YWHAB: variants seen among roughly 807,000 people sequenced by gnomAD.
The protein encoded by YWHAB is 14-3-3 protein beta/alpha.
A neutral mutation model predicts 28.5 loss-of-function variants in YWHAB; 2 were observed. The observed-to-expected ratio is 0.07, with a 90% CI of 0.03 to 0.22. The LOEUF is 0.22. Ranked by LOEUF, YWHAB falls within the 10% of genes least tolerant of loss-of-function variation. The pLI, the probability that YWHAB is intolerant of heterozygous loss-of-function variation, is 1.00. For synonymous variants in YWHAB, 103 were observed against 104.7 expected, an observed-to-expected ratio of 0.98 and a Z score of 0.10; for missense variants, 148 against 297.1, an observed-to-expected ratio of 0.50 and a Z score of 3.69.
intron 1 of YWHAB, among the ~76,000 whole-genome samples, chr20:44,895,445 G>A (rs2066590167): frequency 2.0e-5 from 3 of 152,180 alleles, no homozygotes; most frequent in African/African-American, 7.2e-5. Flanking sequence ...TAAGGACAAA[G>A]GCAAGACTAG....
chr20:44,894,608 C>T (rs903271987), intron 1 of YWHAB, among the ~76,000 whole-genome samples: 1 of 152,152 alleles, frequency 6.6e-6, no homozygotes, highest in African/African-American at 2.4e-5. Context: ...AAAATTCAAG[C>T]TTATGGTTTT....
At chr20:44,902,697 C>T (rs1361051535) in intron 2 of YWHAB, 1 of 152,190 alleles carries the variant, frequency 6.6e-6, no homozygotes, top group East Asian at 1.9e-4. Context: ...AGGAGTTACA[C>T]ACTGTCTGTC....
At chr20:44,904,359 G>GTT (rs2066644372) in intron 3 of YWHAB, among the ~76,000 whole-genome samples, 3 of 152,206 alleles carry the variant, frequency 2.0e-5, no homozygotes, top group African/African-American at 7.2e-5. Flanking sequence ...CTTATCTTGA[G>GTT]TATTATTTGT....
intron 1 of YWHAB, among the ~76,000 whole-genome samples, chr20:44,898,069 C>T (rs1050978354): frequency 6.6e-6 from 1 of 152,178 alleles, no homozygotes; most frequent in Admixed American, 6.5e-5. Context: ...AGCGTCATTT[C>T]TACTTATCTT....
chr20:44,899,276 C>G (rs1407241380), intron 1 of YWHAB, among the ~76,000 whole-genome samples: 1 of 152,194 alleles, frequency 6.6e-6, no homozygotes, highest in Non-Finnish European at 1.5e-5. Context: ...TTTAGGAGTT[C>G]AAGACCAGCC....
rs1381636392 is a variant in YWHAB at position 44,908,178 on chromosome 20, A to AC, written c.*1740_*1741insC. Reference sequence around the variant, plus strand: ...AACCAAAAAAAAAGAAAAAAACAAAAAAAAAAATCCCTCCTTTCTAGCTGA... The same window carrying AC: ...AACCAAAAAAAAAGAAAAAAACAAAACAAAAAAATCCCTCCTTTCTAGCTGA... On this transcript the variant is annotated 3_prime_UTR_variant, in exon 6 of 6. Coordinates refer to ENST00000353703, the MANE Select transcript of YWHAB (RefSeq NM_139323.4). 9.5e-5 allele frequency: 14 copies of AC among 147,694 alleles called. No homozygotes were observed. The highest frequency in any genetic ancestry group is 3.4e-4 in the Admixed American group (5 of 14,840). The allele number at this position is 147,694 out of a possible 1,614,324, so 9.1% of individuals were successfully genotyped here.
chr20:44,887,691 GC>G (rs1224523584), intron 1 of YWHAB: 2 of 152,178 alleles, frequency 1.3e-5, no homozygotes, highest in African/African-American at 4.8e-5. Context: ...AGTGCATTTT[GC>G]CCATTCGGCT....
At chr20:44,905,860 T>G in intron 4 of YWHAB, 141 bp from the exon 5 acceptor site, 1 of 639,530 alleles carries the variant, frequency 1.6e-6, no homozygotes, top group East Asian at 2.5e-5. Context: ...TGGAAACAGC[T>G]AACAGACAGG....
intron 1 of YWHAB, among the ~76,000 whole-genome samples, chr20:44,890,500 CTTTTTTTTTTTTT>C (rs35619333): frequency 1.0e-4 from 9 of 86,388 alleles, no homozygotes; most frequent in African/African-American, 3.1e-4. Flanking sequence ...TGGATTCCTA[CTTTTTTTTTTTTT>C]TTTTTTTTTT....
At chr20:44,885,921 G>A (rs1467219417) in intron 1 of YWHAB, 35 bp downstream of exon 1, 2 of 152,746 alleles carry the variant, frequency 1.3e-5, no homozygotes, top group African/African-American at 4.8e-5. Context: ...GGGGCCCCCG[G>A]GGGCCCAAAC....
intron 1 of YWHAB, among the ~76,000 whole-genome samples, chr20:44,890,539 C>T (rs937816333): frequency 7.9e-5 from 9 of 113,572 alleles, no homozygotes; most frequent in Admixed American, 2.6e-4. Flanking sequence ...GAGATGGAGT[C>T]TCACTCTGTC....
intron 1 of YWHAB, among the ~76,000 whole-genome samples, chr20:44,890,951 G>C (rs2066557884): frequency 6.6e-6 from 1 of 152,202 alleles, no homozygotes; most frequent in South Asian, 2.1e-4. Context: ...AAAGAAAGCA[G>C]AGTACGTGTA....
At chr20:44,897,293 G>A (rs1243775821) in intron 1 of YWHAB, among the ~76,000 whole-genome samples, 1 of 152,210 alleles carries the variant, frequency 6.6e-6, no homozygotes, top group African/African-American at 2.4e-5. Flanking sequence ...CACATGGGAT[G>A]GCTTAGCTCT....
At chr20:44,903,931 C>T in intron 2 of YWHAB, 62 bp from the exon 3 acceptor site, 4 of 1,552,936 alleles carry the variant, frequency 2.6e-6, no homozygotes, top group South Asian at 1.2e-5. Flanking sequence ...TATCTTGAAT[C>T]TCAAACATAG....
chr20:44,885,754 TCGC>T lies in YWHAB; in HGVS notation c.-120_-118del, dbSNP rs35664412. 59 of 177,892 alleles carry T rather than the reference TCGC, an allele frequency of 3.3e-4. No individual in the cohort carries two copies. Among genetic ancestry groups the T allele is most frequent in the South Asian group, 1.0e-3 (10 of 9,992 alleles). 11.0% of individuals were successfully genotyped at this position (177,892 alleles called of 1,614,324 possible). The stretch of plus-strand genomic sequence containing the variant: ...GCCGCCGATTCCGGAGCCGGGGTAG[TCGC>T]CGCCGCCGCCGCCGCTGCAGCCACT... On this transcript the variant is annotated 5_prime_UTR_variant, in exon 1 of 6. Transcript: ENST00000353703.
intron 5 of YWHAB, 28 bp downstream of exon 5, chr20:44,906,124 G>A: frequency 6.5e-7 from 1 of 1,527,330 alleles, no homozygotes; most frequent in Non-Finnish European, 9.0e-7. Context: ...AGGGTTTATA[G>A]TCTCTTTCCT....
intron 1 of YWHAB, among the ~76,000 whole-genome samples, chr20:44,888,038 T>G (rs990135645): frequency 6.6e-6 from 1 of 152,256 alleles, no homozygotes; most frequent in Non-Finnish European, 1.5e-5. Flanking sequence ...CCAGTCTTTC[T>G]GAATCATTTT....
chr20:44,901,405 A>T, intron 1 of YWHAB, 126 bp from the exon 2 acceptor site: 2 of 974,424 alleles, frequency 2.1e-6, no homozygotes, highest in South Asian at 3.3e-5. Flanking sequence ...TGTTGATGGC[A>T]TTTGGAATGA....
In YWHAB at chr20:44,901,671, C is replaced by G. The variant is rs777549203; in HGVS notation, c.138C>G (p.Leu46=). ...HELSNEERNL[L]SVAYKNVVGA... ...TCTCCAACGAAGAGAGAAATCTGCT[C>G]TCTGTTGCCTACAAGAATGTGGTAG... The change falls in exon 2 of 6, where the codon CTC becomes CTG. Residue 46 remains leucine (L), a synonymous_variant. Coordinates refer to ENST00000353703, the MANE Select transcript of YWHAB (RefSeq NM_139323.4). 3.1e-6 allele frequency: 5 copies of G among 1,613,522 alleles called. No homozygotes were observed. The highest frequency in any genetic ancestry group is 1.7e-6 in the Non-Finnish European group (2 of 1,179,910).
Sources: allele counts gnomAD v4.1 joint callset (sites outside exome capture counted in the v4.1 genomes callset), GRCh38; gene constraint gnomAD v4.1.1; transcripts MANE v1.5; gene names NCBI Gene and HGNC (gene_info 2026-07-23, HGNC 2026-07-21).